ATP8A2: variants seen among roughly 807,000 people sequenced by gnomAD.
The protein encoded by ATP8A2 is ATPase phospholipid transporting 8A2.
Under a neutral mutation model 165.6 loss-of-function variants are expected in ATP8A2, and 100 were observed. That is an observed-to-expected ratio of 0.60 (90% confidence interval 0.51 to 0.71). The LOEUF is 0.71. ATP8A2 is among the 30% of genes least tolerant of loss of function. The probability of loss-of-function intolerance (pLI) is 0.00; values close to 1 mark genes in which losing one functional copy is unlikely to be tolerated. For missense variants in ATP8A2, 1,227 were observed against 1,479.5 expected, an observed-to-expected ratio of 0.83 and a Z score of 2.80; for synonymous variants, 543 against 548.8, an observed-to-expected ratio of 0.99 and a Z score of 0.15.
At chr13:25,920,055 C>G (rs1566269519) in intron 33 of ATP8A2, among the ~76,000 whole-genome samples, 2 of 152,122 alleles carry the variant, frequency 1.3e-5, no homozygotes, top group Non-Finnish European at 2.9e-5. Context: ...CCCAAAGTGC[C>G]AGGACTACAG....
chr13:25,852,802 G>C (rs1329154886), intron 30 of ATP8A2, among the ~76,000 whole-genome samples: 2 of 151,776 alleles, frequency 1.3e-5, no homozygotes, highest in African/African-American at 4.8e-5. Flanking sequence ...CATGGTAAAG[G>C]CTGAGACAGG....
intron 33 of ATP8A2, among the ~76,000 whole-genome samples, chr13:25,885,535 TG>T (rs1037193268): frequency 1.3e-5 from 2 of 152,152 alleles, no homozygotes; most frequent in African/African-American, 4.8e-5. Flanking sequence ...TGGAGCCTGC[TG>T]GGGTAATAGT....
At position 25,889,018 on chromosome 13, in the gene ATP8A2, C is replaced by T. The variant is rs76104558; in HGVS notation, c.3183+26610C>T. On this transcript the variant is annotated intron_variant, in intron 33 of 36. Coordinates refer to ENST00000381655, the MANE Select transcript of ATP8A2 (RefSeq NM_016529.6). ...GCAATTTTTTCCTACAATCTGTCAACGACTATGCCAAGAAGCAAACAATGT... is the reference window on the plus strand; with the variant it reads ...GCAATTTTTTCCTACAATCTGTCAATGACTATGCCAAGAAGCAAACAATGT... Among the ~76,000 whole-genome samples the T allele has an allele frequency of 4.0e-3, 611 of 152,018 alleles. 2 individuals carry two copies. The highest frequency in any genetic ancestry group is 0.014 in the African/African-American group (582 of 41,444).
At chr13:25,683,410 A>G (rs2042536102) in intron 24 of ATP8A2, among the ~76,000 whole-genome samples, 1 of 152,164 alleles carries the variant, frequency 6.6e-6, no homozygotes, top group Admixed American at 6.5e-5. Flanking sequence ...TTATAATTCT[A>G]CTAGATTTTG....
intron 36 of ATP8A2, 80 bp downstream of exon 36, chr13:26,012,702 C>A (rs1226546927): frequency 9.0e-5 from 24 of 267,478 alleles, no homozygotes; most frequent in Non-Finnish European, 1.2e-4. Flanking sequence ...GGGGAGCGGG[C>A]GCTGATGGGG....
chr13:25,483,387 C>G (rs1308368772), intron 2 of ATP8A2, among the ~76,000 whole-genome samples: 1 of 152,142 alleles, frequency 6.6e-6, no homozygotes, highest in African/African-American at 2.4e-5. Context: ...AGTATGAGAC[C>G]ACCCCAGGGG....
At chr13:25,383,760 G>A (rs2032939805) in intron 1 of ATP8A2, among the ~76,000 whole-genome samples, 1 of 151,998 alleles carries the variant, frequency 6.6e-6, no homozygotes, top group South Asian at 2.1e-4. Context: ...GAGTTTATTA[G>A]TATATATATC....
At chr13:25,543,728 C>T (rs2038556893) in intron 10 of ATP8A2, among the ~76,000 whole-genome samples, 1 of 152,142 alleles carries the variant, frequency 6.6e-6, no homozygotes, top group South Asian at 2.1e-4. Context: ...TCCTCTTTAT[C>T]CCATTAATTA....
At chr13:25,423,276 G>A (rs1434247460) in intron 1 of ATP8A2, among the ~76,000 whole-genome samples, 4 of 152,092 alleles carry the variant, frequency 2.6e-5, no homozygotes, top group African/African-American at 4.8e-5. Flanking sequence ...TTCTCTTAAT[G>A]TATCTTTGAT....
rs34751522 is a variant in ATP8A2 at position 25,408,391 on chromosome 13, C to CAA, written c.76+36114_76+36115dup. 4.1e-3 allele frequency among the ~76,000 whole-genome samples: 594 copies of CAA among 146,074 alleles called. 4 individuals are homozygous for CAA. Among genetic ancestry groups the CAA allele is most frequent in the South Asian group, 0.014 (64 of 4,578 alleles). On this transcript the variant is annotated intron_variant, in intron 1 of 36. Coordinates refer to ENST00000381655, the MANE Select transcript of ATP8A2 (RefSeq NM_016529.6). ...CTGGTGACAGAGCAAGACTCCGTCT[C>CAA]AAAAAAAAAAAAGCTTGTGCAGGAT...
intron 30 of ATP8A2, among the ~76,000 whole-genome samples, chr13:25,844,752 A>G (rs2138681653): frequency 6.6e-6 from 1 of 152,162 alleles, no homozygotes; most frequent in East Asian, 1.9e-4. Flanking sequence ...GTTTTGTTTG[A>G]CCGGGGGCTG....
chr13:25,617,493 TG>T (rs1360550293), intron 24 of ATP8A2, among the ~76,000 whole-genome samples: 3 of 152,216 alleles, frequency 2.0e-5, no homozygotes, highest in African/African-American at 7.2e-5. Flanking sequence ...AGGATAGTTT[TG>T]TGAGTAGAAA....
intron 2 of ATP8A2, among the ~76,000 whole-genome samples, chr13:25,512,631 G>T (rs543595847): frequency 5.4e-5 from 8 of 148,482 alleles, no homozygotes; most frequent in African/African-American, 1.7e-4. Flanking sequence ...CTGGCTGGGC[G>T]GGGGGCTGAC....
rs143304583 is a variant in ATP8A2, at chr13:25,475,773, G to T, written c.221+6652G>T. 2.6e-5 allele frequency among the ~76,000 whole-genome samples: 4 copies of T among 152,246 alleles called. No individual in the cohort carries two copies. The East Asian group carries it at 7.7e-4, about 29-fold the overall frequency. On this transcript the variant is annotated intron_variant, in intron 2 of 36. Coordinates refer to ENST00000381655, the MANE Select transcript of ATP8A2 (RefSeq NM_016529.6). ...CGTTTCTCTAATGATCGGTGATAGT[G>T]AGCATTTTTTTCATATGTTTGTTGG...
chr13:25,579,613 A>G (rs1471605981), intron 21 of ATP8A2, among the ~76,000 whole-genome samples, 195 bp from the exon 22 acceptor site: 1 of 152,124 alleles, frequency 6.6e-6, no homozygotes, highest in Non-Finnish European at 1.5e-5. Flanking sequence ...CTTACGGAAG[A>G]GGTAGTTTAT....
At chr13:25,437,630 G>C (rs1281115211) in intron 1 of ATP8A2, among the ~76,000 whole-genome samples, 1 of 152,166 alleles carries the variant, frequency 6.6e-6, no homozygotes, top group Non-Finnish European at 1.5e-5. Context: ...GCTGGAGATT[G>C]TATTTAGCAT....
At chr13:25,450,612 A>C (rs974617498) in intron 1 of ATP8A2, among the ~76,000 whole-genome samples, 1 of 151,812 alleles carries the variant, frequency 6.6e-6, no homozygotes, top group Non-Finnish European at 1.5e-5. Flanking sequence ...GCTCACTGCA[A>C]GCTCCGCCTC....
chr13:25,881,028 A>G (rs1162664628), intron 33 of ATP8A2: 1 of 419,856 alleles, frequency 2.4e-6, no homozygotes, highest in Non-Finnish European at 4.8e-6. Context: ...AAGGTTAAGG[A>G]TATTTATTGC....
chr13:25,922,098 A>G (rs1410058438), intron 33 of ATP8A2, among the ~76,000 whole-genome samples: 2 of 152,234 alleles, frequency 1.3e-5, no homozygotes, highest in African/African-American at 2.4e-5. Flanking sequence ...ACCTCAATAT[A>G]GAAGAATAAG....
Sources: gnomAD v4.1 joint callset for allele counts (sites outside exome capture counted in the v4.1 genomes callset) on GRCh38, gnomAD v4.1.1 for gene constraint, MANE v1.5 for transcripts, NCBI Gene and HGNC (gene_info 2026-07-23, HGNC 2026-07-21) for gene names.